The following GSE1 variants were observed in gnomAD, a reference collection of about 807,000 sequenced individuals.
GSE1 encodes Gse1 coiled-coil protein, also known as genetic suppressor element 1.
In GSE1, 32 loss-of-function variants were observed where a neutral mutation model predicts 112.6. The ratio of observed to expected loss-of-function variants is 0.28; its 90% confidence interval spans 0.21 to 0.38. The LOEUF (loss-of-function observed/expected upper bound fraction) is 0.38, where lower values mean the gene tolerates loss of function less well. Among genes scored for constraint, GSE1 ranks in the 10% least tolerant of loss-of-function variants. The probability of loss-of-function intolerance (pLI) is 1.00; values close to 1 mark genes in which losing one functional copy is unlikely to be tolerated. For synonymous variants in GSE1, 1,115 were observed against 735.6 expected (o/e 1.52, Z -8.35); for missense variants, 2,348 against 1,699.2 (o/e 1.38, Z -6.71).
chr16:85,216,765 G>A (rs1278668141), intron 1 of GSE1, among the ~76,000 whole-genome samples: 2 of 152,212 alleles, frequency 1.3e-5, no homozygotes, highest in Non-Finnish European at 2.9e-5. Flanking sequence ...CAGCCTCTGG[G>A]GGACTCCCTG....
chr16:85,664,621 A>C (rs1348921142), intron 11 of GSE1: 1 of 173,414 alleles, frequency 5.8e-6, no homozygotes, highest in Non-Finnish European at 1.2e-5. Flanking sequence ...TAATGGTAGG[A>C]GTGGGGGAGA....
chr16:85,631,429 G>A (rs867167192), intron 1 of GSE1, among the ~76,000 whole-genome samples: 2 of 152,206 alleles, frequency 1.3e-5, no homozygotes, highest in African/African-American at 2.4e-5. Context: ...GTGTGGGCTC[G>A]TGGGCCCAGG....
intron 1 of GSE1, among the ~76,000 whole-genome samples, chr16:85,340,706 T>G (rs1159752944): frequency 6.6e-6 from 1 of 152,184 alleles, no homozygotes; most frequent in Admixed American, 6.5e-5. Flanking sequence ...TACCATTGTG[T>G]GTGGTGCGTT....
chr16:85,223,028 G>C (rs532160548), intron 1 of GSE1, among the ~76,000 whole-genome samples: 15 of 152,246 alleles, frequency 9.9e-5, no homozygotes, highest in African/African-American at 3.6e-4. Flanking sequence ...CTCTAGTTTT[G>C]TTTTTTTCTG....
At chr16:85,188,004 G>A (rs2074742794) in intron 1 of GSE1, among the ~76,000 whole-genome samples, 5 of 152,222 alleles carry the variant, frequency 3.3e-5, no homozygotes, top group Admixed American at 3.3e-4. Context: ...CAGACTCCTG[G>A]CACGTCTCCC....
At chr16:85,463,812 T>G (rs1159227068) in intron 2 of GSE1, among the ~76,000 whole-genome samples, 1 of 152,094 alleles carries the variant, frequency 6.6e-6, no homozygotes, top group African/African-American at 2.4e-5. Flanking sequence ...TGAGCGGGAC[T>G]CTGAGGCCTG....
chr16:85,233,998 A>G (rs1310032921), intron 1 of GSE1, among the ~76,000 whole-genome samples: 1 of 152,138 alleles, frequency 6.6e-6, no homozygotes, highest in East Asian at 1.9e-4. Flanking sequence ...CCAGCCCCCC[A>G]GCCCCTATAT....
At chr16:85,467,590 C>T (rs987169235) in intron 2 of GSE1, among the ~76,000 whole-genome samples, 3 of 152,178 alleles carry the variant, frequency 2.0e-5, no homozygotes, top group African/African-American at 7.2e-5. Context: ...ATCCCCCCAT[C>T]TCTCAACCTG....
At chr16:85,340,881 C>T (rs1221161993) in intron 1 of GSE1, among the ~76,000 whole-genome samples, 1 of 152,130 alleles carries the variant, frequency 6.6e-6, no homozygotes, top group Non-Finnish European at 1.5e-5. Context: ...TCTGCCCAGG[C>T]CCCCAGTCTA....
At chr16:85,614,270 G>A (rs933663991) in intron 1 of GSE1, among the ~76,000 whole-genome samples, 1 of 152,106 alleles carries the variant, frequency 6.6e-6, no homozygotes, top group African/African-American at 2.4e-5. Flanking sequence ...CGAGTGGCCC[G>A]ACCGAGTGGA....
At chr16:85,664,796 G>T (rs528471537) in intron 11 of GSE1, 3 of 513,242 alleles carry the variant, frequency 5.8e-6, no homozygotes, top group Non-Finnish European at 1.0e-5. Context: ...GCTGTCTTTG[G>T]AGCACGTCTA....
intron 3 of GSE1, among the ~76,000 whole-genome samples, chr16:85,650,215 G>A (rs754104989): frequency 2.0e-5 from 3 of 152,178 alleles, no homozygotes; most frequent in African/African-American, 7.2e-5. Context: ...AGCCCAAGGC[G>A]GCCCTCGTCC....
At chr16:85,269,833 G>T (rs1908652466) in intron 1 of GSE1, among the ~76,000 whole-genome samples, 1 of 149,408 alleles carries the variant, frequency 6.7e-6, no homozygotes, top group Admixed American at 6.7e-5. Context: ...TGGCACCGTA[G>T]GTGGGATGCC....
intron 2 of GSE1, among the ~76,000 whole-genome samples, chr16:85,414,742 C>T (rs1478435299): frequency 6.6e-6 from 1 of 152,198 alleles, no homozygotes; most frequent in Non-Finnish European, 1.5e-5. Context: ...TCAAGCAATT[C>T]TCCTGCCTCA....
chr16:85,509,518 C>T (rs999592583), intron 2 of GSE1, among the ~76,000 whole-genome samples: 5 of 152,238 alleles, frequency 3.3e-5, no homozygotes, highest in African/African-American at 9.6e-5. Flanking sequence ...CTGGAGGGTC[C>T]GAGCTCCGTT....
intron 2 of GSE1, among the ~76,000 whole-genome samples, chr16:85,375,352 G>T (rs1362349488): frequency 6.6e-6 from 1 of 152,178 alleles, no homozygotes; most frequent in Non-Finnish European, 1.5e-5. Flanking sequence ...CAATGCAGGA[G>T]TCTCAGATGA....
chr16:85,473,985 G>A (rs1395384740), intron 2 of GSE1, among the ~76,000 whole-genome samples: 2 of 150,742 alleles, frequency 1.3e-5, no homozygotes, highest in South Asian at 4.1e-4. Context: ...AAGGCCCTGG[G>A]GGGCAGCAGG....
chr16:85,455,185 TGACCCAGG>T (rs1202738145), intron 2 of GSE1, among the ~76,000 whole-genome samples: 3 of 152,182 alleles, frequency 2.0e-5, no homozygotes, highest in African/African-American at 7.2e-5. Context: ...TCCTCCAAGG[TGACCCAGG>T]GTCCCTCTTC....
At position 85,633,561 on chromosome 16, in the gene GSE1, T is replaced by A. The variant is rs560197831; in HGVS notation, c.8-353T>A. 5.3e-5 allele frequency among the ~76,000 whole-genome samples: 8 copies of A among 152,276 alleles called. No homozygotes were observed. In the South Asian group the frequency reaches 1.7e-3, roughly 32 times the overall value. ...CTCCTCCGCCTGGGCCTCAGTCTCC[T>A]TCCCCACGCCATTTGATGGTCAGGG... On this transcript the variant is annotated intron_variant, in intron 1 of 15. Transcript: ENST00000253458.
Sources: gnomAD v4.1 joint callset for allele counts (sites outside exome capture counted in the v4.1 genomes callset) on GRCh38, gnomAD v4.1.1 for gene constraint, MANE v1.5 for transcripts, NCBI Gene and HGNC (gene_info 2026-07-23, HGNC 2026-07-21) for gene names.